Variants in MCC observed in about 807,000 individuals in gnomAD.
MCC encodes the protein MCC regulator of Wnt signaling pathway.
Under a neutral mutation model 116.2 loss-of-function variants are expected in MCC, and 90 were observed. That is an observed-to-expected ratio of 0.77 (90% CI 0.65 to 0.92). The LOEUF is 0.92. Among genes scored for constraint, MCC ranks in the 40% least tolerant of loss-of-function variants. MCC has a pLI of 0.00. For synonymous variants in MCC, 578 were observed against 510.5 expected, an observed-to-expected ratio of 1.13 and a Z score of -1.78; for missense variants, 1,516 against 1,312.2, an observed-to-expected ratio of 1.16 and a Z score of -2.40.
chr5:113,231,527 C>T (rs184602542), intron 3 of MCC, among the ~76,000 whole-genome samples: 2 of 152,262 alleles, frequency 1.3e-5, no homozygotes, highest in East Asian at 1.9e-4. Context: ...TGATGTTTCA[C>T]CCATTAGTCA....
In MCC at chr5:113,329,104, T is replaced by C. The variant is rs543856661; in HGVS notation, c.627+11415A>G. 2.3e-3 allele frequency among the ~76,000 whole-genome samples: 352 copies of C among 152,302 alleles called. 3 individuals are homozygous for C. The highest frequency in any genetic ancestry group is 2.1e-3 in the Non-Finnish European group (146 of 68,036). ...CAAATTTCTCACGGGTAAATGGGGA[T>C]CATACCTATATATGCAGCATAAAGT... On this transcript the variant is annotated intron_variant, in intron 3 of 18. Transcript: ENST00000408903.
At chr5:113,051,044 A>C (rs557440721) in intron 15 of MCC, among the ~76,000 whole-genome samples, 20 of 152,376 alleles carry the variant, frequency 1.3e-4, no homozygotes, top group Admixed American at 5.9e-4. Context: ...TCCAGGAATT[A>C]AACCTCAAGC....
chr5:113,100,666 T>G (rs899115956), intron 8 of MCC, among the ~76,000 whole-genome samples: 10 of 151,278 alleles, frequency 6.6e-5, no homozygotes, highest in Middle Eastern at 3.4e-3. Context: ...GAGACGGGGG[T>G]TTCATCATAT....
At chr5:113,387,149 GT>G (rs1467080158) in intron 1 of MCC, among the ~76,000 whole-genome samples, 1 of 151,996 alleles carries the variant, frequency 6.6e-6, no homozygotes, top group Non-Finnish European at 1.5e-5. Context: ...TCTAGCCTGG[GT>G]CTCAAAACAA....
intron 6 of MCC, among the ~76,000 whole-genome samples, chr5:113,110,261 T>A (rs1009712492): frequency 1.3e-5 from 2 of 152,086 alleles, no homozygotes; most frequent in African/African-American, 4.8e-5. Flanking sequence ...CAGCCACAAA[T>A]AAGGGGAAAA....
chr5:113,070,341 T>C (rs1362732877), intron 12 of MCC, among the ~76,000 whole-genome samples: 1 of 152,158 alleles, frequency 6.6e-6, no homozygotes. Context: ...GGCATAGTTT[T>C]GCAGCTTTAA....
chr5:113,322,935 A>G (rs936659277), intron 3 of MCC: 2 of 152,288 alleles, frequency 1.3e-5, no homozygotes, highest in African/African-American at 4.8e-5. Flanking sequence ...AACCAATAGG[A>G]TACTGCATAA....
chr5:113,454,067 C>T (rs1032371244), intron 1 of MCC, among the ~76,000 whole-genome samples: 3 of 151,822 alleles, frequency 2.0e-5, no homozygotes, highest in East Asian at 1.9e-4. Context: ...CGGAATATCG[C>T]GCTATTGCAC....
At chr5:113,035,866 A>G (rs922910719) in intron 17 of MCC, among the ~76,000 whole-genome samples, 13 of 152,176 alleles carry the variant, frequency 8.5e-5, no homozygotes, top group African/African-American at 2.9e-4. Flanking sequence ...CTTCATGGTA[A>G]TCACCACAAT....
At chr5:113,199,264 G>A (rs925696580) in intron 3 of MCC, among the ~76,000 whole-genome samples, 2 of 152,118 alleles carry the variant, frequency 1.3e-5, no homozygotes, top group Admixed American at 6.6e-5. Context: ...CTAATCTAGT[G>A]CCGTGTTATC....
chr5:113,319,000 G>A (rs1043000160), intron 3 of MCC, among the ~76,000 whole-genome samples: 1 of 152,010 alleles, frequency 6.6e-6, no homozygotes, highest in Admixed American at 6.6e-5. Flanking sequence ...CTGAGTAGCT[G>A]GAACTACAAG....
chr5:113,109,369 A>T (rs1756942706), intron 6 of MCC, among the ~76,000 whole-genome samples: 1 of 152,226 alleles, frequency 6.6e-6, no homozygotes, highest in South Asian at 2.1e-4. Flanking sequence ...CTACAACATG[A>T]ACCCTGAAAA....
intron 1 of MCC, among the ~76,000 whole-genome samples, chr5:113,392,435 G>A (rs1310268695): frequency 1.3e-5 from 2 of 151,828 alleles, no homozygotes. Context: ...ACCAAGTGCT[G>A]ACAAGGAAAC....
chr5:113,453,268 G>A (rs1018885533), intron 1 of MCC, among the ~76,000 whole-genome samples: 12 of 151,642 alleles, frequency 7.9e-5, no homozygotes, highest in Admixed American at 7.9e-4. Context: ...CACTTCTCTG[G>A]GCCCCAGCTT....
chr5:113,418,530 T>C (rs981260184), intron 1 of MCC, among the ~76,000 whole-genome samples: 5 of 152,116 alleles, frequency 3.3e-5, no homozygotes, highest in African/African-American at 7.2e-5. Context: ...GAAATTTCTT[T>C]ACCCAGTTAA....
At chr5:113,172,299 C>T (rs1303006900) in intron 3 of MCC, among the ~76,000 whole-genome samples, 1 of 152,160 alleles carries the variant, frequency 6.6e-6, no homozygotes, top group African/African-American at 2.4e-5. Flanking sequence ...AAACTCTCAC[C>T]TCTTTAAGGT....
intron 3 of MCC, among the ~76,000 whole-genome samples, chr5:113,324,830 T>C (rs1263265743): frequency 6.7e-6 from 1 of 148,892 alleles, no homozygotes; most frequent in Non-Finnish European, 1.5e-5. Flanking sequence ...TAGGAAGTTT[T>C]GGAACTTTTT....
At chr5:113,122,597 T>A in intron 6 of MCC, 87 bp downstream of exon 6, 2 of 1,505,688 alleles carry the variant, frequency 1.3e-6, no homozygotes, top group Non-Finnish European at 1.8e-6. Context: ...AAATTAAATT[T>A]TAATTCAGGC....
At chr5:113,289,449 T>C (rs1335127530) in intron 3 of MCC, among the ~76,000 whole-genome samples, 2 of 152,186 alleles carry the variant, frequency 1.3e-5, no homozygotes, top group African/African-American at 2.4e-5. Flanking sequence ...GACACCCCTC[T>C]TGGAGAGGTG....
Sources: allele counts gnomAD v4.1 joint callset (sites outside exome capture counted in the v4.1 genomes callset), GRCh38; gene constraint gnomAD v4.1.1; transcripts MANE v1.5; gene names NCBI Gene and HGNC (gene_info 2026-07-23, HGNC 2026-07-21).